The following CCSER1 variants were observed in gnomAD, a reference collection of about 807,000 sequenced individuals.
CCSER1 encodes the protein serine-rich coiled-coil domain-containing protein 1.
Under a neutral mutation model 82.0 loss-of-function variants are expected in CCSER1, and 41 were observed. The ratio of observed to expected loss-of-function variants is 0.50; its 90% confidence interval spans 0.39 to 0.65. The LOEUF (loss-of-function observed/expected upper bound fraction) is 0.65, where lower values mean the gene tolerates loss of function less well. Ranked by LOEUF, CCSER1 falls within the 30% of genes least tolerant of loss-of-function variation. CCSER1 has a pLI of 0.00. For synonymous variants in CCSER1, 414 were observed against 383.9 expected (o/e 1.08, Z -0.92); for missense variants, 1,119 against 1,064.2 (o/e 1.05, Z -0.72).
chr4:90,439,866 G>A, intron 4 of CCSER1, among the ~76,000 whole-genome samples: 1 of 152,040 alleles, frequency 6.6e-6, no homozygotes, highest in Non-Finnish European at 1.5e-5. Flanking sequence ...TATGCAACTT[G>A]GAGTATTTTA....
chr4:91,151,997 G>T (rs551964139), intron 10 of CCSER1, among the ~76,000 whole-genome samples: 3 of 152,286 alleles, frequency 2.0e-5, no homozygotes, highest in East Asian at 1.9e-4. Flanking sequence ...GGTCCACTTA[G>T]TGCAGAGCTG....
intron 1 of CCSER1, among the ~76,000 whole-genome samples, chr4:90,231,003 C>G (rs1049347235): frequency 2.0e-5 from 3 of 151,982 alleles, no homozygotes; most frequent in African/African-American, 7.3e-5. Context: ...CAAAAAGAGT[C>G]CAGGAACAGA....
intron 3 of CCSER1, among the ~76,000 whole-genome samples, chr4:90,358,340 AC>A (rs1213291424): frequency 6.6e-6 from 1 of 152,078 alleles, no homozygotes; most frequent in Non-Finnish European, 1.5e-5. Flanking sequence ...AACTCCACTG[AC>A]TTTTACATCC....
chr4:90,395,342 A>T (rs1751794890), intron 3 of CCSER1, among the ~76,000 whole-genome samples: 1 of 152,234 alleles, frequency 6.6e-6, no homozygotes, highest in South Asian at 2.1e-4. Context: ...AACTGATTAC[A>T]AATGTATTAA....
At chr4:90,276,251 T>TTTCTTCCTTTCCTTCC (rs1727659770) in intron 1 of CCSER1, among the ~76,000 whole-genome samples, 1 of 76,828 alleles carries the variant, frequency 1.3e-5, no homozygotes, top group African/African-American at 5.1e-5. Context: ...TCTTTCTTTC[T>TTTCTTCCTTTCCTTCC]TTCCTTCCTT....
At chr4:90,339,947 G>A (rs945404732) in intron 3 of CCSER1, among the ~76,000 whole-genome samples, 1 of 151,760 alleles carries the variant, frequency 6.6e-6, no homozygotes. Context: ...CTAGAACAGG[G>A]CATCAAACAA....
At chr4:91,360,449 C>A (rs4693273) in intron 10 of CCSER1, among the ~76,000 whole-genome samples, 1 of 151,788 alleles carries the variant, frequency 6.6e-6, no homozygotes. Context: ...GTCCATACAA[C>A]TGTACAAGAA....
intron 10 of CCSER1, among the ~76,000 whole-genome samples, chr4:91,345,260 G>A (rs1198639191): frequency 1.3e-5 from 2 of 152,022 alleles, no homozygotes; most frequent in Admixed American, 1.3e-4. Context: ...GAGTGAGGGC[G>A]GGTGCTTCTC....
chr4:90,382,430 G>A (rs1435759551), intron 3 of CCSER1, among the ~76,000 whole-genome samples: 2 of 151,996 alleles, frequency 1.3e-5, no homozygotes, highest in Admixed American at 6.6e-5. Context: ...AGGTACTTAA[G>A]CACTAAAGAA....
intron 10 of CCSER1, among the ~76,000 whole-genome samples, chr4:91,224,110 T>C (rs896538250): frequency 6.6e-6 from 1 of 151,700 alleles, no homozygotes; most frequent in African/African-American, 2.4e-5. Flanking sequence ...CTTGAAAATA[T>C]TAATAACTCC....
At position 90,432,561 on chromosome 4, in the gene CCSER1, T is replaced by C. The variant is rs1013503881; in HGVS notation, c.1603+32432T>C. On this transcript the variant is annotated intron_variant, in intron 4 of 10. Coordinates refer to ENST00000509176, the MANE Select transcript of CCSER1 (RefSeq NM_001145065.2). ...TCCCCTTGCTCCCTCCCTTCTTCCT[T>C]CCTTCCTTCCTTCTTTCCTCTCTCT... Among the ~76,000 whole-genome samples the C allele has an allele frequency of 2.0e-5, 3 of 151,868 alleles. No homozygotes were observed. In the East Asian group the frequency reaches 5.8e-4, roughly 29 times the overall value.
At chr4:90,779,690 G>A (rs1334159715) in intron 7 of CCSER1, among the ~76,000 whole-genome samples, 1 of 152,154 alleles carries the variant, frequency 6.6e-6, no homozygotes, top group Non-Finnish European at 1.5e-5. Context: ...TTGACACTGA[G>A]CCCACGAGCT....
At chr4:91,067,117 T>C (rs904360710) in intron 9 of CCSER1, among the ~76,000 whole-genome samples, 1 of 150,902 alleles carries the variant, frequency 6.6e-6, no homozygotes, top group East Asian at 2.0e-4. Flanking sequence ...TGAGCAGAGA[T>C]CGCGCCACTG....
intron 6 of CCSER1, among the ~76,000 whole-genome samples, chr4:90,717,101 C>T (rs982138596): frequency 6.6e-6 from 1 of 152,182 alleles, no homozygotes; most frequent in African/African-American, 2.4e-5. Context: ...CAAAATTCCA[C>T]CACAATTCCC....
At chr4:91,081,456 A>G (rs1415936870) in intron 9 of CCSER1, among the ~76,000 whole-genome samples, 5 of 152,224 alleles carry the variant, frequency 3.3e-5, no homozygotes, top group South Asian at 4.1e-4. Context: ...AGCCAATATC[A>G]TACTGAATGG....
Position 91,598,626 on chromosome 4 carries a change from G to C in CCSER1, c.2272G>C (p.Ala758Pro). The change falls in exon 11 of 11, where the codon GCA becomes CCA. Residue 758 changes from alanine to proline, a missense_variant. By Grantham distance (27) the Ala-to-Pro change is conservative. Transcript: ENST00000509176. ...AAATCTCAGCACAAGGGACAGAAAA[G>C]CAATACATACTCCCACCGAGGACCG... The part of the protein sequence containing the change: ...SQNLSTRDRK[A>P]IHTPTEDRFR... 1 of 1,551,266 alleles carries C rather than the reference G, an allele frequency of 6.4e-7. No homozygotes were observed. Among genetic ancestry groups the C allele is most frequent in the Non-Finnish European group, 8.7e-7 (1 of 1,146,850 alleles).
chr4:90,331,840 T>C (rs1739342173), intron 3 of CCSER1, among the ~76,000 whole-genome samples: 1 of 151,970 alleles, frequency 6.6e-6, no homozygotes, highest in Non-Finnish European at 1.5e-5. Flanking sequence ...TTTTAAACTT[T>C]GAAAGGTTGT....
rs1053725189 is a variant in CCSER1 at position 91,605,090 on chromosome 4, T to A, written c.*6033T>A. ...AGTGAGAAAGATAATAAATAGAAAA[T>A]TACCCTGGAAATTAAAATTTTTAGC... On this transcript the variant is annotated 3_prime_UTR_variant, in exon 11 of 11. Transcript: ENST00000509176. 7.2e-5 allele frequency: 11 copies of A among 151,990 alleles called. No individual in the cohort carries two copies. The highest frequency in any genetic ancestry group is 2.7e-4 in the African/African-American group (11 of 41,430). The allele number at this position is 151,990 out of a possible 1,614,324, so 9.4% of individuals were successfully genotyped here.
chr4:91,569,438 T>C (rs1196985006), intron 10 of CCSER1, among the ~76,000 whole-genome samples: 1 of 152,168 alleles, frequency 6.6e-6, no homozygotes, highest in Non-Finnish European at 1.5e-5. Flanking sequence ...TATTAGGCTG[T>C]TCTCATGCTT....
Sources: gnomAD v4.1 joint callset for allele counts (sites outside exome capture counted in the v4.1 genomes callset) on GRCh38, gnomAD v4.1.1 for gene constraint, MANE v1.5 for transcripts, NCBI Gene and HGNC (gene_info 2026-07-23, HGNC 2026-07-21) for gene names.